Variants in PSME2 observed in about 807,000 individuals in gnomAD.
PSME2 encodes proteasome activator subunit 2.
In PSME2, 20 loss-of-function variants were observed where a neutral mutation model predicts 38.8. That is an observed-to-expected ratio of 0.52 (90% CI 0.36 to 0.75). PSME2 has a LOEUF of 0.75. PSME2 is among the 30% of genes least tolerant of loss of function. PSME2 has a pLI of 0.00. For missense variants in PSME2, 227 were observed against 287.6 expected (o/e 0.79, Z 1.52); for synonymous variants, 82 against 102.5 (o/e 0.80, Z 1.21).
chr14:24,146,261 G>A, intron 1 of PSME2, 21 bp from the exon 2 acceptor site: 3 of 1,613,398 alleles, frequency 1.9e-6, no homozygotes, highest in Non-Finnish European at 1.7e-6. Flanking sequence ...AGCAGTACCC[G>A]GATGTTGGTT....
chr14:24,146,590 A>T lies in PSME2; in HGVS notation c.-9T>A, dbSNP rs1485412793. 7.4e-6 allele frequency: 12 copies of T among 1,613,042 alleles called. No individual in the cohort carries two copies. Among genetic ancestry groups the T allele is most frequent in the Non-Finnish European group, 5.9e-6 (7 of 1,180,016 alleles). On this transcript the variant is annotated 5_prime_UTR_variant, in exon 1 of 11. Coordinates refer to ENST00000216802, the MANE Select transcript of PSME2 (RefSeq NM_002818.3). Reference sequence around the variant, plus strand: ...CCACACGGCTTGGCCATGCTGCTTCAGTCGCTAGATCTCTGGTCTCCCGGC... The same window carrying T: ...CCACACGGCTTGGCCATGCTGCTTCTGTCGCTAGATCTCTGGTCTCCCGGC...
Position 24,143,405 on chromosome 14 carries a change from G to A in PSME2, c.*4C>T, listed in dbSNP as rs199812691. 647 of 1,608,998 alleles carry A rather than the reference G, an allele frequency of 4.0e-4. 1 individual carries two copies. Among genetic ancestry groups the A allele is most frequent in the South Asian group, 5.7e-4 (52 of 90,950 alleles). On this transcript the variant is annotated 3_prime_UTR_variant, in exon 11 of 11. Transcript: ENST00000216802. This position sits in a 1 kb window ranked among gnomAD's most constrained non-coding sequence, Gnocchi z 4.4. ...GATCATTTATTTTCCTTCTAGTCCC[G>A]GGTTCAGTACATAGATGGCTTTTCT...
chr14:24,145,813 C>T (rs754138176), intron 2 of PSME2, 41 bp from the exon 3 acceptor site: 8 of 1,571,006 alleles, frequency 5.1e-6, no homozygotes, highest in East Asian at 2.2e-5. Context: ...ACAGAATATG[C>T]TCAATGAGAT....
chr14:24,144,247 C>T lies in PSME2; in HGVS notation c.442G>A (p.Glu148Lys). 6.2e-7 allele frequency: 1 copy of T among 1,614,214 alleles called. No homozygotes were observed. Among genetic ancestry groups the T allele is most frequent in the Non-Finnish European group, 8.5e-7 (1 of 1,180,044 alleles). Residue 148 changes from glutamate to lysine, a missense_variant, in exon 8 of 11, where the codon GAG (glutamate) becomes AAG (lysine). By Grantham distance (56) the Glu-to-Lys change is moderately conservative. Around this residue, in one of 3 missense-constraint regions of PSME2, gnomAD observed 48 missense variants for 96.4 expected, o/e 0.50. Transcript: ENST00000216802. Reference sequence around the variant, plus strand: ...TTGGTCTTGACGGCATTCACCCTCTCCAGCACCTTCTCCTGTGGTGACACG... The same window carrying T: ...TTGGTCTTGACGGCATTCACCCTCTTCAGCACCTTCTCCTGTGGTGACACG... Reference protein sequence around the residue: ...FGVAIQEKVLERVNAVKTKVE... With the variant: ...FGVAIQEKVLKRVNAVKTKVE...
Position 24,146,558 on chromosome 14 carries a change from G to A in PSME2, c.24C>T (p.Arg8=), listed in dbSNP as rs1345340594. The A allele has an allele frequency of 1.2e-6, 2 of 1,613,722 alleles. No homozygotes were observed. Among genetic ancestry groups the A allele is most frequent in the African/African-American group, 2.7e-5 (2 of 74,932 alleles). The change falls in exon 1 of 11, where the codon CGC becomes CGT. Residue 8 remains arginine (R), a synonymous_variant. Transcript: ENST00000216802. ...CCTGTTTGCGGGCTTCCCCGCTCAG[G>A]CGCACCCCACACGGCTTGGCCATGC... The part of the protein sequence containing the change: MAKPCGV[R]LSGEARKQVE...
In PSME2 at chr14:24,146,243, A is replaced by G. The variant is rs1194121161; in HGVS notation, c.49-3T>C. The G allele has an allele frequency of 6.2e-7, 1 of 1,613,780 alleles. No individual in the cohort carries two copies. Among genetic ancestry groups the G allele is most frequent in the Non-Finnish European group, 8.5e-7 (1 of 1,179,734 alleles). On this transcript the variant is annotated splice_region_variant and splice_polypyrimidine_tract_variant and intron_variant, in intron 1 of 10. Transcript: ENST00000216802. ...AGATTCTGTCTGAAGACCTCCACCT[A>G]CACAGAGAGCAGTACCCGGATGTTG...
At chr14:24,144,354 C>A (rs1459824210) in intron 7 of PSME2, 46 bp downstream of exon 7, 1 of 1,607,518 alleles carries the variant, frequency 6.2e-7, no homozygotes, top group Non-Finnish European at 8.5e-7. Context: ...AGCTCACCCC[C>A]TGAGGCTCTC....
In PSME2 at chr14:24,145,267, T is replaced by C; in HGVS notation, c.238A>G (p.Thr80Ala). Residue 80 changes from threonine (T) to alanine (A), a missense_variant, in exon 5 of 11, where the codon ACA becomes GCA. By Grantham distance (58) the Thr-to-Ala change is moderately conservative. This residue lies in a region of PSME2 where 48 missense variants were observed against 96.4 expected (regional missense o/e 0.50). Transcript: ENST00000216802. Reference protein sequence around the residue: ...DPPPKDDEMETDKQEKKEVHK... With the variant: ...DPPPKDDEMEADKQEKKEVHK... ...CCTTCTTTCTTCTCCTGCTTATCTG[T>C]TTCCATCTAAGGCAAAAAGGGGGGA... 1.2e-6 allele frequency: 2 copies of C among 1,614,064 alleles called. No individual in the cohort carries two copies. The highest frequency in any genetic ancestry group is 1.7e-6 in the Non-Finnish European group (2 of 1,179,938).
chr14:24,145,356 G>A, intron 4 of PSME2, 23 bp downstream of exon 4: 1 of 1,609,132 alleles, frequency 6.2e-7, no homozygotes, highest in Non-Finnish European at 8.5e-7. Flanking sequence ...TATAGTCCAA[G>A]TCCTGCACCC....
Position 24,143,554 on chromosome 14 carries a change from C to T in PSME2, c.639+31G>A, listed in dbSNP as rs1404454711. The T allele has an allele frequency of 6.2e-7, 1 of 1,613,348 alleles. No individual in the cohort carries two copies. The highest frequency in any genetic ancestry group is 8.5e-7 in the Non-Finnish European group (1 of 1,179,366). On this transcript the variant is annotated intron_variant, in intron 10 of 10. Coordinates refer to ENST00000216802, the MANE Select transcript of PSME2 (RefSeq NM_002818.3). The surrounding 1 kb of genome is among the most constrained non-coding windows in gnomAD (Gnocchi z 4.4). Reference sequence around the variant, plus strand: ...AATCCCCTGCCTGCCCCCACTCATCCACCTCCCCTAAAGCCTTACTCCACA... The same window carrying T: ...AATCCCCTGCCTGCCCCCACTCATCTACCTCCCCTAAAGCCTTACTCCACA...
At position 24,144,280 on chromosome 14, in the gene PSME2, A is replaced by AAG. The variant is rs771223515; in HGVS notation, c.430-23_430-22dup. 1.6e-5 allele frequency: 26 copies of AAG among 1,613,800 alleles called. No homozygotes were observed. In the East Asian group the frequency reaches 5.6e-4, roughly 35 times the overall value. ...TTCTCCTGTGGTGACACGGGAGGCA[A>AAG]AGACAACACTTCATGTCCTCCCCAT... On this transcript the variant is annotated intron_variant, in intron 7 of 10. Transcript: ENST00000216802.
Position 24,145,756 on chromosome 14 carries a change from T to C in PSME2, c.98A>G (p.Tyr33Cys). ...NLFQEAEEFL[Y>C]RFLPQKIIYL... ...TATGATTTTCTGTGGCAAGAATCTG[T>C]AGAGGAATTCCTCAGCCTGTGGGTT... The change falls in exon 3 of 11, where the codon TAC (tyrosine) becomes TGC (cysteine). Residue 33 changes from tyrosine to cysteine, a missense_variant. Physicochemically the swap from Tyr to Cys is radical, Grantham distance 194 (BLOSUM62 -2). Coordinates refer to ENST00000216802, the MANE Select transcript of PSME2 (RefSeq NM_002818.3). The C allele has an allele frequency of 6.2e-7, 1 of 1,613,802 alleles. No individual in the cohort carries two copies. The highest frequency in any genetic ancestry group is 8.5e-7 in the Non-Finnish European group (1 of 1,179,728).
At chr14:24,144,159 T>G (rs2038116907) in intron 8 of PSME2, 33 bp downstream of exon 8, 1 of 1,613,786 alleles carries the variant, frequency 6.2e-7, no homozygotes, top group Non-Finnish European at 8.5e-7. Flanking sequence ...ATGCTCCTAC[T>G]GCCCCCAATG....
chr14:24,145,314 A>G, intron 4 of PSME2, 41 bp from the exon 5 acceptor site: 3 of 1,612,830 alleles, frequency 1.9e-6, no homozygotes, highest in Non-Finnish European at 2.5e-6. Context: ...GAAAAGTCAC[A>G]GAGGTTGAAG....
rs751581593 is a variant in PSME2 at position 24,146,259 on chromosome 14, C to T, written c.49-19G>A. ...CCTCCACCTACACAGAGAGCAGTAC[C>T]CGGATGTTGGTTAAGGGTCTGGGTT... On this transcript the variant is annotated intron_variant, in intron 1 of 10. Transcript: ENST00000216802. The T allele has an allele frequency of 1.2e-6, 2 of 1,613,562 alleles. No individual in the cohort carries two copies. Among genetic ancestry groups the T allele is most frequent in the South Asian group, 2.2e-5 (2 of 91,054 alleles).
Position 24,144,566 on chromosome 14 carries a change from TTATTACA to T in PSME2, c.361-105_361-99del. On this transcript the variant is annotated intron_variant, in intron 6 of 10. Transcript: ENST00000216802. ...AAAAAAGTTATATTTAATTGGGTACTTATTACATACCAGGTACTGTGCCATGTATTTA... is the reference window on the plus strand; with the variant it reads ...AAAAAAGTTATATTTAATTGGGTACTTACCAGGTACTGTGCCATGTATTTA... 3 of 1,130,006 alleles carry T rather than the reference TTATTACA, an allele frequency of 2.7e-6. No homozygotes were observed. The East Asian group carries it at 7.2e-5, about 27-fold the overall frequency. The allele number at this position is 1,130,006 out of a possible 1,614,324, so 70.0% of individuals were successfully genotyped here.
chr14:24,143,415 C>T lies in PSME2; in HGVS notation c.714G>A (p.Met238Ile). The change falls in exon 11 of 11, where the codon ATG (methionine) becomes ATA (isoleucine). Residue 238 changes from methionine (M) to isoleucine (I), a missense_variant. By Grantham distance (10) the Met-to-Ile change is conservative. Around this residue, in one of 3 missense-constraint regions of PSME2, gnomAD observed 99 missense variants for 113.9 expected, o/e 0.87. Transcript: ENST00000216802. The surrounding 1 kb of genome is among the most constrained non-coding windows in gnomAD (Gnocchi z 4.4). Reference sequence around the variant, plus strand: ...TTTCCTTCTAGTCCCGGGTTCAGTACATAGATGGCTTTTCTTCACCCTTTG... The same window carrying T: ...TTTCCTTCTAGTCCCGGGTTCAGTATATAGATGGCTTTTCTTCACCCTTTG... ...VNPKGEEKPS[M>I]Y 1 of 1,612,668 alleles carries T rather than the reference C, an allele frequency of 6.2e-7. No homozygotes were observed. Among genetic ancestry groups the T allele is most frequent in the Middle Eastern group, 1.7e-4 (1 of 6,056 alleles).
chr14:24,145,619 C>G (rs1359930546), intron 3 of PSME2, 91 bp downstream of exon 3: 44 of 1,504,638 alleles, frequency 2.9e-5, no homozygotes, highest in Non-Finnish European at 3.7e-5. Context: ...TGAAACTATT[C>G]TCTGCATGCT....
chr14:24,145,341 G>A, intron 4 of PSME2, 38 bp downstream of exon 4: 2 of 1,611,504 alleles, frequency 1.2e-6, no homozygotes, highest in Non-Finnish European at 1.7e-6. Flanking sequence ...CTTCTCCATT[G>A]GGTTTATAGT....
Sources: gnomAD v4.1 joint callset for allele counts on GRCh38, gnomAD v4.1.1 for gene constraint, gnomAD v4.1.1 regional missense constraint, Gnocchi (gnomAD v3.1) non-coding constraint, MANE v1.5 for transcripts, NCBI Gene and HGNC (gene_info 2026-07-23, HGNC 2026-07-21) for gene names.